Variants in ALG8 observed in about 807,000 individuals in gnomAD.
ALG8 encodes dolichyl pyrophosphate Glc1Man9GlcNAc2 alpha-1,3-glucosyltransferase.
Under a neutral mutation model 70.2 loss-of-function variants are expected in ALG8, and 48 were observed. The observed-to-expected ratio is 0.68, with a 90% CI of 0.54 to 0.87. The LOEUF (loss-of-function observed/expected upper bound fraction) is 0.87. Ranked by LOEUF, ALG8 falls within the 40% of genes least tolerant of loss-of-function variation. ALG8 has a pLI of 0.00. For missense variants in ALG8, 572 were observed against 608.7 expected (o/e 0.94, Z 0.64); for synonymous variants, 234 against 229.0 (o/e 1.02, Z -0.20).
At chr11:78,130,348 C>CAAAATAAAAA in intron 1 of ALG8, among the ~76,000 whole-genome samples, 1 of 49,180 alleles carries the variant, frequency 2.0e-5, no homozygotes, top group Admixed American at 2.9e-4. Context: ...GACCCGGTCT[C>CAAAATAAAAA]AAAAAAAAAA....
At position 78,114,324 on chromosome 11, in the gene ALG8, T is replaced by C. The variant is rs2136904189; in HGVS notation, c.615A>G (p.Val205=). 6.2e-7 allele frequency: 1 copy of C among 1,614,136 alleles called. No homozygotes were observed. Among genetic ancestry groups the C allele is most frequent in the Middle Eastern group, 1.6e-4 (1 of 6,062 alleles). The change falls in exon 6 of 13, where the codon GTA becomes GTG. Residue 205 remains valine (V), a synonymous_variant. Transcript: ENST00000299626. Reference sequence around the variant, plus strand: ...GCAGATATACACCATAAGCTGGTGCTACATAGAGGTAGATATGCTTGAAAT... The same window carrying C: ...GCAGATATACACCATAAGCTGGTGCCACATAGAGGTAGATATGCTTGAAAT... The part of the protein sequence containing the change: ...LLHFKHIYLY[V]APAYGVYLLR...
chr11:78,122,026 G>A (rs1229221813), intron 3 of ALG8, among the ~76,000 whole-genome samples: 2 of 152,126 alleles, frequency 1.3e-5, no homozygotes, highest in South Asian at 2.1e-4. Context: ...ATTAGTATAC[G>A]TGGGGGAGTA....
intron 1 of ALG8, among the ~76,000 whole-genome samples, chr11:78,129,282 T>C (rs1380786607): frequency 6.6e-6 from 1 of 151,694 alleles, no homozygotes; most frequent in African/African-American, 2.4e-5. Context: ...TAGCTGGGTG[T>C]GGTGGTGGGC....
At chr11:78,104,800 C>T (rs2136877939) in intron 10 of ALG8, among the ~76,000 whole-genome samples, 1 of 152,070 alleles carries the variant, frequency 6.6e-6, no homozygotes, top group Admixed American at 6.6e-5. Context: ...CCTGTCTCTG[C>T]TAAAAATACA....
At chr11:78,101,453 AC>A (rs1259698432) in intron 12 of ALG8, among the ~76,000 whole-genome samples, 1 of 151,990 alleles carries the variant, frequency 6.6e-6, no homozygotes, top group African/African-American at 2.4e-5. Context: ...ACATGGAGAA[AC>A]CCCATCTCTA....
At chr11:78,128,634 C>CG (rs1171001814) in intron 1 of ALG8, among the ~76,000 whole-genome samples, 1 of 140,322 alleles carries the variant, frequency 7.1e-6, no homozygotes, top group Non-Finnish European at 1.5e-5. Flanking sequence ...TTTTTGGAGA[C>CG]GGAGTCTCGC....
At chr11:78,125,180 C>A (rs1348836083) in intron 2 of ALG8, among the ~76,000 whole-genome samples, 1 of 151,778 alleles carries the variant, frequency 6.6e-6, no homozygotes, top group African/African-American at 2.4e-5. Context: ...CTACAGGAGC[C>A]CGCCACCACA....
rs760971527 is a variant in ALG8, at chr11:78,106,789, G to A, written c.1178+18C>T. 1.9e-6 allele frequency: 3 copies of A among 1,613,638 alleles called. No individual in the cohort carries two copies. In the South Asian group the frequency reaches 3.3e-5, roughly 18 times the overall value. On this transcript the variant is annotated intron_variant, in intron 10 of 12. Coordinates refer to ENST00000299626, the MANE Select transcript of ALG8 (RefSeq NM_024079.5). Reference sequence around the variant, plus strand: ...GTGAAATATGCCAAAATGCTCACTGGCTGAGCTATCTGCTTACCTCATTGG... The same window carrying A: ...GTGAAATATGCCAAAATGCTCACTGACTGAGCTATCTGCTTACCTCATTGG...
chr11:78,134,564 C>T (rs1295973091), intron 1 of ALG8, among the ~76,000 whole-genome samples: 1 of 152,188 alleles, frequency 6.6e-6, no homozygotes, highest in African/African-American at 2.4e-5. Context: ...GTAAAACTTT[C>T]AAAACTAGAG....
At chr11:78,139,441 C>A in intron 1 of ALG8, 53 bp downstream of exon 1, 1 of 1,537,420 alleles carries the variant, frequency 6.5e-7, no homozygotes, top group Non-Finnish European at 8.8e-7. Flanking sequence ...CTCTCCCGCC[C>A]TGACCGACCG....
At chr11:78,126,991 T>A (rs35648879) in intron 2 of ALG8, among the ~76,000 whole-genome samples, 33,077 of 151,924 alleles carry the variant, frequency 0.22, 4,436 homozygotes, top group African/African-American at 0.38. Flanking sequence ...AAAATTTTTT[T>A]TTTTTTGAGA....
Position 78,103,966 on chromosome 11 carries a change from A to AT in ALG8, c.1349+13dup. On this transcript the variant is annotated intron_variant, in intron 12 of 12. Coordinates refer to ENST00000299626, the MANE Select transcript of ALG8 (RefSeq NM_024079.5). ...CACAAGAGTAAGTATAATTTTAAAC[A>AT]TTTTTTTGATTACCTGAATAAAGTC... 1 of 1,391,020 alleles carries AT rather than the reference A, an allele frequency of 7.2e-7. No individual in the cohort carries two copies. Among genetic ancestry groups the AT allele is most frequent in the Non-Finnish European group, 1.0e-6 (1 of 984,952 alleles). The allele number at this position is 1,391,020 out of a possible 1,614,324, so 86.2% of individuals were successfully genotyped here. A position where few individuals can be genotyped will look rare whatever the true frequency, so the allele number is the denominator to read the frequency against.
chr11:78,111,920 C>T (rs1860306699), intron 8 of ALG8, among the ~76,000 whole-genome samples: 1 of 152,102 alleles, frequency 6.6e-6, no homozygotes, highest in South Asian at 2.1e-4. Flanking sequence ...ATTTTCCTTA[C>T]TGGTTTAATA....
Position 78,112,648 on chromosome 11 carries a change from A to C in ALG8, c.898+2T>G. 1 of 1,613,680 alleles carries C rather than the reference A, an allele frequency of 6.2e-7. No individual in the cohort carries two copies. The highest frequency in any genetic ancestry group is 8.5e-7 in the Non-Finnish European group (1 of 1,179,704). On this transcript the variant is annotated splice_donor_variant, in intron 8 of 12. Coordinates refer to ENST00000299626, the MANE Select transcript of ALG8 (RefSeq NM_024079.5). LOFTEE classifies it high-confidence loss of function. ...CTGAGTAAAAAATGCTCGCTACCAT[A>C]CCGATGACAGACAGCACTTTGTCCA...
At chr11:78,125,727 G>A (rs1256345087) in intron 2 of ALG8, among the ~76,000 whole-genome samples, 4 of 151,838 alleles carry the variant, frequency 2.6e-5, no homozygotes, top group African/African-American at 9.7e-5. Flanking sequence ...AGAATCACTT[G>A]AACCCAGGAG....
chr11:78,105,283 T>C (rs1859967244), intron 10 of ALG8, among the ~76,000 whole-genome samples: 1 of 152,192 alleles, frequency 6.6e-6, no homozygotes, highest in Non-Finnish European at 1.5e-5. Context: ...TTTCTCAAGA[T>C]TCAAGAAAAA....
At chr11:78,106,413 A>G (rs965289999) in intron 10 of ALG8, among the ~76,000 whole-genome samples, 5 of 152,044 alleles carry the variant, frequency 3.3e-5, no homozygotes, top group Non-Finnish European at 2.9e-5. Flanking sequence ...TAGCCAGGAT[A>G]GTCTCGATCT....
intron 10 of ALG8, among the ~76,000 whole-genome samples, chr11:78,105,137 G>C (rs1380055965): frequency 6.6e-6 from 1 of 152,050 alleles, no homozygotes; most frequent in Non-Finnish European, 1.5e-5. Flanking sequence ...CTGGTGTTTG[G>C]TGTGAATTCA....
intron 5 of ALG8, among the ~76,000 whole-genome samples, chr11:78,116,248 C>G (rs181028322): frequency 2.6e-5 from 4 of 152,178 alleles, no homozygotes; most frequent in East Asian, 3.9e-4. Context: ...GTAATCCCAG[C>G]TACTTGGGAG....
Sources: allele counts gnomAD v4.1 joint callset (sites outside exome capture counted in the v4.1 genomes callset), GRCh38; gene constraint gnomAD v4.1.1; transcripts MANE v1.5; gene names NCBI Gene and HGNC (gene_info 2026-07-23, HGNC 2026-07-21).